Variants in PFKP observed in about 807,000 individuals in gnomAD.
PFKP encodes the protein phosphofructokinase, platelet.
In PFKP, 101 loss-of-function variants were observed where a neutral mutation model predicts 94.3. The observed-to-expected ratio is 1.07, with a 90% confidence interval of 0.91 to 1.26. The LOEUF is 1.26. PFKP is among the 50% of genes most tolerant of loss of function. The pLI, the probability that PFKP is intolerant of heterozygous loss-of-function variation, is 0.00. For synonymous variants in PFKP, 573 were observed against 432.6 expected, an observed-to-expected ratio of 1.32 and a Z score of -4.03; for missense variants, 1,145 against 1,103.3, an observed-to-expected ratio of 1.04 and a Z score of -0.53.
chr10:3,121,703 C>A (rs1014040375), intron 16 of PFKP, among the ~76,000 whole-genome samples: 62 of 150,820 alleles, frequency 4.1e-4, no homozygotes, highest in African/African-American at 1.4e-3. Flanking sequence ...GCTTTTACTT[C>A]CCTTGGAGGG....
intron 1 of PFKP, among the ~76,000 whole-genome samples, chr10:3,068,385 A>T (rs1300874263): frequency 1.3e-5 from 2 of 152,106 alleles, no homozygotes; most frequent in Non-Finnish European, 2.9e-5. Flanking sequence ...GGAGATTTTT[A>T]AAAAGGGTTT....
At chr10:3,109,334 C>T (rs1835929607) in intron 9 of PFKP, 21 bp from the exon 10 acceptor site, 2 of 1,607,084 alleles carry the variant, frequency 1.2e-6, no homozygotes, top group Non-Finnish European at 1.7e-6. Flanking sequence ...TGCCCCTGAC[C>T]CACATGGACC....
intron 2 of PFKP, among the ~76,000 whole-genome samples, chr10:3,084,417 AT>A (rs1193243028): frequency 6.6e-5 from 10 of 151,394 alleles, no homozygotes; most frequent in African/African-American, 2.4e-4. Flanking sequence ...TTTGTTTATC[AT>A]TTGCTGGAAA....
chr10:3,135,115 C>T (rs1839086587), intron 20 of PFKP, among the ~76,000 whole-genome samples: 1 of 152,074 alleles, frequency 6.6e-6, no homozygotes, highest in Non-Finnish European at 1.5e-5. Context: ...TTTTATAATA[C>T]TCTTGTTAAT....
intron 16 of PFKP, 26 bp downstream of exon 16, chr10:3,120,070 C>G: frequency 6.2e-7 from 1 of 1,609,910 alleles, no homozygotes; most frequent in Non-Finnish European, 8.5e-7. Flanking sequence ...CCCTGCCAGG[C>G]GGGCGCCGGC....
intron 19 of PFKP, among the ~76,000 whole-genome samples, chr10:3,133,587 C>T (rs59853320): frequency 0.023 from 3,484 of 152,246 alleles, 87 homozygotes; most frequent in African/African-American, 0.062. Flanking sequence ...CCCACCACCA[C>T]ACCCAGCTAA....
At chr10:3,081,104 A>G (rs1347265367) in intron 1 of PFKP, among the ~76,000 whole-genome samples, 1 of 152,244 alleles carries the variant, frequency 6.6e-6, no homozygotes, top group Non-Finnish European at 1.5e-5. Flanking sequence ...ATATACACAC[A>G]TACATATACA....
rs71294492 is a variant in PFKP at position 3,100,862 on chromosome 10, C to CAAAAAAAA, written c.265-490_265-483dup. On this transcript the variant is annotated intron_variant, in intron 3 of 21. Transcript: ENST00000381125. ...TAAAAGGGGCAGCGAGTATGTGGTG[C>CAAAAAAAA]AAAAAAAAAAAAAAAAAAAATCCCC... 1.2e-3 allele frequency: 802 copies of CAAAAAAAA among 656,510 alleles called. 5 individuals are homozygous for CAAAAAAAA. The highest frequency in any genetic ancestry group is 1.3e-3 in the African/African-American group (52 of 41,054). The allele number at this position is 656,510 out of a possible 1,614,324, so 40.7% of individuals were successfully genotyped here.
intron 1 of PFKP, among the ~76,000 whole-genome samples, chr10:3,075,547 G>A (rs1054660233): frequency 6.8e-6 from 1 of 147,286 alleles, no homozygotes; most frequent in Non-Finnish European, 1.5e-5. Flanking sequence ...GGTGGCCTGT[G>A]TTATATATGC....
chr10:3,102,008 T>G (rs947863749), intron 4 of PFKP, among the ~76,000 whole-genome samples: 1 of 150,552 alleles, frequency 6.6e-6, no homozygotes, highest in Admixed American at 6.6e-5. Flanking sequence ...TCCCAGCACT[T>G]TGGGAGGCCG....
intron 1 of PFKP, chr10:3,069,307 GC>G: frequency 6.5e-7 from 1 of 1,543,240 alleles, no homozygotes; most frequent in Non-Finnish European, 8.8e-7. Context: ...ACGTGATGCA[GC>G]AGAGGATGGG....
intron 2 of PFKP, among the ~76,000 whole-genome samples, chr10:3,084,280 C>T (rs890374756): frequency 6.6e-6 from 1 of 152,196 alleles, no homozygotes; most frequent in African/African-American, 2.4e-5. Flanking sequence ...CATGATGATG[C>T]TGTGTGCCGC....
chr10:3,075,297 G>A (rs1564259904), intron 1 of PFKP, among the ~76,000 whole-genome samples: 1 of 151,982 alleles, frequency 6.6e-6, no homozygotes, highest in Non-Finnish European at 1.5e-5. Flanking sequence ...GTCAGTTTAT[G>A]GCCAGATTTG....
At chr10:3,118,135 G>GGATAAT (rs1190202475) in intron 14 of PFKP, among the ~76,000 whole-genome samples, 1 of 152,092 alleles carries the variant, frequency 6.6e-6, no homozygotes, top group Non-Finnish European at 1.5e-5. Flanking sequence ...GATCAATAGT[G>GGATAAT]GATAATGCAT....
intron 14 of PFKP, 80 bp downstream of exon 14, chr10:3,116,926 C>A: frequency 9.0e-7 from 1 of 1,113,028 alleles, no homozygotes; most frequent in Non-Finnish European, 1.4e-6. Context: ...TCGCTGGGTG[C>A]CGACGCCAGT....
At chr10:3,087,599 G>A (rs945770387) in intron 2 of PFKP, among the ~76,000 whole-genome samples, 16 of 152,166 alleles carry the variant, frequency 1.1e-4, no homozygotes, top group African/African-American at 3.4e-4. Flanking sequence ...TGGCACCTTC[G>A]AAGCTGTCTA....
chr10:3,134,192 C>G lies in PFKP; in HGVS notation c.2023-291C>G, dbSNP rs569059503. 2.0e-5 allele frequency among the ~76,000 whole-genome samples: 3 copies of G among 152,270 alleles called. No homozygotes were observed. The South Asian group carries it at 6.2e-4, about 32-fold the overall frequency. On this transcript the variant is annotated intron_variant, in intron 19 of 21. Transcript: ENST00000381125. ...TATCAGATTAAAGCTGTGACCCATCCCCAGCTCAGATGAGTTCATGAAATC... is the reference window on the plus strand; with the variant it reads ...TATCAGATTAAAGCTGTGACCCATCGCCAGCTCAGATGAGTTCATGAAATC...
At chr10:3,096,431 T>C (rs558108150) in intron 2 of PFKP, among the ~76,000 whole-genome samples, 220 of 152,296 alleles carry the variant, frequency 1.4e-3, no homozygotes, top group African/African-American at 4.9e-3. Context: ...GGTGTGGGAA[T>C]GTAGGAACTG....
chr10:3,110,177 A>AG (rs1836033725), intron 10 of PFKP, among the ~76,000 whole-genome samples: 1 of 151,988 alleles, frequency 6.6e-6, no homozygotes, highest in Non-Finnish European at 1.5e-5. Context: ...CTGTGGAGTT[A>AG]GCTGCATTTG....
Sources: allele counts gnomAD v4.1 joint callset (sites outside exome capture counted in the v4.1 genomes callset), GRCh38; gene constraint gnomAD v4.1.1; transcripts MANE v1.5; gene names NCBI Gene and HGNC (gene_info 2026-07-23, HGNC 2026-07-21).